The following FCGRT variants were observed in gnomAD, a reference collection of about 807,000 sequenced individuals.
FCGRT encodes IgG receptor FcRn large subunit p51.
A neutral mutation model predicts 35.7 loss-of-function variants in FCGRT; 13 were observed. That is an observed-to-expected ratio of 0.36 (90% CI 0.24 to 0.58). The LOEUF (loss-of-function observed/expected upper bound fraction) is 0.58. FCGRT is among the 20% of genes least tolerant of loss of function. FCGRT has a pLI of 0.77. For missense variants in FCGRT, 455 were observed against 474.9 expected, an observed-to-expected ratio of 0.96 and a Z score of 0.39; for synonymous variants, 233 against 216.5, an observed-to-expected ratio of 1.08 and a Z score of -0.67.
chr19:49,526,136 C>G lies in FCGRT; in HGVS notation c.*17C>G, dbSNP rs1031064936. Reference sequence around the variant, plus strand: ...ACCGCCTGACCATCCGCCATTCCGACTGCTAAAAGCGAATGTAGTCAGGCC... The same window carrying G: ...ACCGCCTGACCATCCGCCATTCCGAGTGCTAAAAGCGAATGTAGTCAGGCC... On this transcript the variant is annotated 3_prime_UTR_variant, in exon 7 of 7. Transcript: ENST00000221466. 6.6e-7 allele frequency: 1 copy of G among 1,519,940 alleles called. No individual in the cohort carries two copies. Among genetic ancestry groups the G allele is most frequent in the African/African-American group, 1.4e-5 (1 of 73,220 alleles). 94.2% of individuals were successfully genotyped at this position (1,519,940 alleles called of 1,614,324 possible). A position where few individuals can be genotyped will look rare whatever the true frequency, so the allele number is the denominator to read the frequency against.
intron 4 of FCGRT, among the ~76,000 whole-genome samples, chr19:49,518,168 A>T (rs2080019683): frequency 6.6e-6 from 1 of 151,904 alleles, no homozygotes; most frequent in Non-Finnish European, 1.5e-5. Flanking sequence ...AAGGGCATTT[A>T]AAAAAAATTA....
At chr19:49,525,650 CAG>C (rs1409121265) in intron 6 of FCGRT, 77 bp downstream of exon 6, 3 of 970,750 alleles carry the variant, frequency 3.1e-6, no homozygotes, top group Non-Finnish European at 4.9e-6. Context: ...CCTGGGAGGA[CAG>C]AGACCCAGAG....
chr19:49,522,685 A>AC (rs536086857), intron 4 of FCGRT, among the ~76,000 whole-genome samples: 9 of 125,824 alleles, frequency 7.2e-5, no homozygotes, highest in African/African-American at 2.8e-4. Context: ...TCCTGCCTCC[A>AC]CCCCCCAAAG....
intron 5 of FCGRT, chr19:49,525,221 C>T (rs1357211453): frequency 7.5e-6 from 4 of 536,278 alleles, no homozygotes; most frequent in South Asian, 5.6e-5. Context: ...CACAGCCCCG[C>T]CTTGCCGCTG....
chr19:49,524,510 C>G lies in FCGRT; in HGVS notation c.605C>G (p.Pro202Arg). 2 of 1,605,670 alleles carry G rather than the reference C, an allele frequency of 1.2e-6. No homozygotes were observed. Among genetic ancestry groups the G allele is most frequent in the Non-Finnish European group, 1.7e-6 (2 of 1,173,744 alleles). ...RGRGNLEWKE[P>R]PSMRLKARPS... ...CTGTCTGCCTGATTTCCTGCAGAGC[C>G]CCCCTCCATGCGCCTGAAGGCCCGA... The change falls in exon 5 of 7, where the codon CCC becomes CGC. Residue 202 changes from proline (P) to arginine (R), a missense_variant. This residue lies in a region of FCGRT where 312 missense variants were observed against 296.1 expected (regional missense o/e 1.05). Coordinates refer to ENST00000221466, the MANE Select transcript of FCGRT (RefSeq NM_001136019.3).
Position 49,520,257 on chromosome 19 carries a change from G to A in FCGRT, c.602-4250G>A, listed in dbSNP as rs2080033477. Among the ~76,000 whole-genome samples the A allele has an allele frequency of 2.0e-5, 3 of 150,152 alleles. No homozygotes were observed. The South Asian group carries it at 6.3e-4, about 32-fold the overall frequency. On this transcript the variant is annotated intron_variant, in intron 4 of 6. Coordinates refer to ENST00000221466, the MANE Select transcript of FCGRT (RefSeq NM_001136019.3). ...TGATCCTCCTGCCTCAGCCTCCTTAGTAGCTGGAATTACAGGCACACACCA... is the reference window on the plus strand; with the variant it reads ...TGATCCTCCTGCCTCAGCCTCCTTAATAGCTGGAATTACAGGCACACACCA...
At chr19:49,524,446 C>T in intron 4 of FCGRT, 61 bp from the exon 5 acceptor site, 2 of 1,552,902 alleles carry the variant, frequency 1.3e-6, no homozygotes, top group Non-Finnish European at 1.7e-6. Flanking sequence ...TGTCCCTATC[C>T]AGCCCTGGCT....
chr19:49,525,057 TG>T, intron 5 of FCGRT: 1 of 547,714 alleles, frequency 1.8e-6, no homozygotes, highest in Non-Finnish European at 3.4e-6. Flanking sequence ...ATCCTGCTGC[TG>T]CTGCTGCTGC....
intron 4 of FCGRT, among the ~76,000 whole-genome samples, chr19:49,519,426 G>A (rs2080027413): frequency 6.6e-6 from 1 of 152,066 alleles, no homozygotes; most frequent in South Asian, 2.1e-4. Flanking sequence ...GGTAATTTGA[G>A]TTACTTGTGA....
chr19:49,524,197 G>T (rs1308864329), intron 4 of FCGRT, among the ~76,000 whole-genome samples: 2 of 151,836 alleles, frequency 1.3e-5, no homozygotes, highest in Non-Finnish European at 2.9e-5. Flanking sequence ...AGTAGAGATG[G>T]GGTTTCACCA....
intron 4 of FCGRT, among the ~76,000 whole-genome samples, chr19:49,522,144 T>C (rs2122690537): frequency 6.7e-6 from 1 of 150,232 alleles, no homozygotes; most frequent in Admixed American, 6.7e-5. Flanking sequence ...TACCCAGGTG[T>C]GATCATAACT....
intron 4 of FCGRT, chr19:49,516,214 A>G (rs1328919471): frequency 2.3e-6 from 1 of 435,674 alleles, no homozygotes. Context: ...TTTTTCTTTA[A>G]TTGTCTTCTT....
In FCGRT at chr19:49,526,335, C is replaced by T; in HGVS notation, c.*216C>T. On this transcript the variant is annotated 3_prime_UTR_variant, in exon 7 of 7. Coordinates refer to ENST00000221466, the MANE Select transcript of FCGRT (RefSeq NM_001136019.3). ...ATATAACACGAGTTTGGGCCCGAATCAGTGTGTTCTCATCATTTTTCAGGC... is the reference window on the plus strand; with the variant it reads ...ATATAACACGAGTTTGGGCCCGAATTAGTGTGTTCTCATCATTTTTCAGGC... The T allele has an allele frequency of 1.8e-6, 1 of 557,392 alleles. No homozygotes were observed. Among genetic ancestry groups the T allele is most frequent in the Non-Finnish European group, 3.2e-6 (1 of 312,598 alleles). 34.5% of individuals were successfully genotyped at this position (557,392 alleles called of 1,614,324 possible).
intron 4 of FCGRT, among the ~76,000 whole-genome samples, chr19:49,522,180 C>G (rs1179011365): frequency 2.0e-5 from 3 of 151,114 alleles, no homozygotes; most frequent in Non-Finnish European, 4.4e-5. Context: ...CTCCTGGGCT[C>G]AAGGATTCCT....
intron 4 of FCGRT, among the ~76,000 whole-genome samples, chr19:49,519,916 C>T (rs1601193786): frequency 1.3e-5 from 2 of 150,294 alleles, no homozygotes; most frequent in African/African-American, 4.9e-5. Context: ...CTGCAACCTC[C>T]GCCTCCCAGG....
At chr19:49,519,503 GT>G (rs1207058345) in intron 4 of FCGRT, among the ~76,000 whole-genome samples, 1 of 152,052 alleles carries the variant, frequency 6.6e-6, no homozygotes, top group African/African-American at 2.4e-5. Context: ...TGTAATTGTG[GT>G]TTGAAGAAAG....
Position 49,514,347 on chromosome 19 carries a change from GC to G in FCGRT, c.465del (p.Glu156ArgfsTer52). The G allele has an allele frequency of 6.2e-7, 1 of 1,613,522 alleles. No homozygotes were observed. The highest frequency in any genetic ancestry group is 8.5e-7 in the Non-Finnish European group (1 of 1,179,766). On this transcript the variant is annotated frameshift_variant, in exon 4 of 7. Transcript: ENST00000221466. LOFTEE classifies it high-confidence loss of function. Reference protein sequence around the residue: ...LKQGTWGGDWPEALAISQRWQ... With the variant: ...LKQGTWGGDWXEALAISQRWQ... ...AGCAGGGCACCTGGGGTGGGGACTG[GC>G]CCGAGGCCCTGGCTATCAGTCAGCG...
At chr19:49,521,482 A>C (rs1410073916) in intron 4 of FCGRT, among the ~76,000 whole-genome samples, 1 of 151,442 alleles carries the variant, frequency 6.6e-6, no homozygotes, top group Non-Finnish European at 1.5e-5. Context: ...AGGCAGGAGA[A>C]TCGCTTGACC....
chr19:49,525,724 C>CAG, intron 6 of FCGRT, 151 bp downstream of exon 6: 1 of 662,394 alleles, frequency 1.5e-6, no homozygotes, highest in Non-Finnish European at 2.7e-6. Context: ...AACAGAGGTG[C>CAG]AGAGAGAGGG....
Sources: allele counts gnomAD v4.1 joint callset (sites outside exome capture counted in the v4.1 genomes callset), GRCh38; gene constraint gnomAD v4.1.1; regional missense constraint gnomAD v4.1.1; transcripts MANE v1.5; gene names NCBI Gene and HGNC (gene_info 2026-07-23, HGNC 2026-07-21).